ZC3H12B: variants seen among roughly 807,000 people sequenced by gnomAD.
ZC3H12B encodes the protein zinc finger CCCH-type containing 12B.
Under a neutral mutation model 43.9 loss-of-function variants are expected in ZC3H12B, and 7 were observed. The observed-to-expected ratio is 0.16, with a 90% CI of 0.09 to 0.30. The LOEUF is 0.30. Ranked by LOEUF, ZC3H12B falls within the 10% of genes least tolerant of loss-of-function variation. ZC3H12B has a pLI of 1.00. For synonymous variants in ZC3H12B, 222 were observed against 241.7 expected (o/e 0.92, Z 0.76); for missense variants, 475 against 670.2 (o/e 0.71, Z 3.22).
rs1371403014 is a variant in ZC3H12B at position 65,408,052 on chromosome X, G to T, written n.407+9348G>T. The T allele has an allele frequency of 6.0e-6, 7 of 1,163,160 alleles. No individual in the cohort carries two copies. The Admixed American group carries it at 1.3e-4, about 21-fold the overall frequency. On this transcript the variant is annotated intron_variant and non_coding_transcript_variant, in intron 3 of 5. Coordinates refer to the ZC3H12B transcript ENST00000617377. ...AAATTGACCGGAGAATTGAGTTGCC[G>T]GGGAACAGAGCCCCGGCCGCCGCCA...
the ZC3H12B span, among the ~76,000 whole-genome samples, chrX:65,171,541 C>T: frequency 1.1e-4 from 12 of 111,196 alleles, no homozygotes; most frequent in African/African-American, 3.9e-4. Flanking sequence ...AAATTCCTTG[C>T]TGTGAGAAGC....
At chrX:65,035,000 G>A in the ZC3H12B span, among the ~76,000 whole-genome samples, 1 of 112,648 alleles carries the variant, frequency 8.9e-6, no homozygotes, top group Non-Finnish European at 1.9e-5. Context: ...AGTACCCCAG[G>A]AGGGTCCGGG....
At chrX:65,203,502 C>T in the ZC3H12B span, among the ~76,000 whole-genome samples, 2 of 110,231 alleles carry the variant, frequency 1.8e-5, no homozygotes, top group Non-Finnish European at 3.8e-5. Context: ...CTTTCTGGCC[C>T]AGAGTGGGTC....
chrX:65,089,427 A>G, the ZC3H12B span, among the ~76,000 whole-genome samples: 2 of 112,027 alleles, frequency 1.8e-5, no homozygotes, highest in Non-Finnish European at 3.8e-5. Context: ...GTACTTCTGT[A>G]TAGGATACCT....
chrX:65,373,343 G>C lies in ZC3H12B; in HGVS notation n.295+4345G>C, dbSNP rs184356454. Among the ~76,000 whole-genome samples the C allele has an allele frequency of 5.4e-5, 6 of 111,647 alleles. No individual in the cohort carries two copies. In the East Asian group the frequency reaches 1.7e-3, roughly 32 times the overall value. Reference sequence around the variant, plus strand: ...TGGAAGACAGTGTGGTGATTCCTCAGGGACCTAGAACTAGAAATACCATTT... The same window carrying C: ...TGGAAGACAGTGTGGTGATTCCTCACGGACCTAGAACTAGAAATACCATTT... On this transcript the variant is annotated intron_variant and non_coding_transcript_variant, in intron 2 of 5. Coordinates refer to the ZC3H12B transcript ENST00000617377.
At position 65,483,492 on chromosome X, in the gene ZC3H12B, C is replaced by G. The variant is rs781115570; in HGVS notation, n.408-5154C>G. 7.2e-5 allele frequency among the ~76,000 whole-genome samples: 8 copies of G among 111,467 alleles called. No individual in the cohort carries two copies. The East Asian group carries it at 1.4e-3, about 20-fold the overall frequency. ...TTTGCCTCCAAAGTATCTGAGAAAG[C>G]CTTTACTTTATAGTTCTTTCTGGGG... On this transcript the variant is annotated intron_variant and non_coding_transcript_variant, in intron 3 of 5. Coordinates refer to the ZC3H12B transcript ENST00000617377.
the ZC3H12B span, among the ~76,000 whole-genome samples, chrX:65,268,262 G>A: frequency 2.7e-5 from 3 of 111,979 alleles, no homozygotes; most frequent in African/African-American, 9.7e-5. Context: ...GACTGAAGAA[G>A]TAATTTTAAA....
At chrX:65,262,963 A>T in the ZC3H12B span, among the ~76,000 whole-genome samples, 4 of 110,543 alleles carry the variant, frequency 3.6e-5, no homozygotes, top group African/African-American at 1.3e-4. Context: ...TTTGTAAAAT[A>T]TTACATAGTG....
the ZC3H12B span, among the ~76,000 whole-genome samples, chrX:65,229,067 C>T: frequency 9.0e-6 from 1 of 110,509 alleles, no homozygotes. Flanking sequence ...AAAGAGCCCA[C>T]ATCGCCAAGT....
chrX:65,459,214 A>G (rs2067689330), intron 3 of ZC3H12B, among the ~76,000 whole-genome samples: 1 of 112,130 alleles, frequency 8.9e-6, no homozygotes, highest in South Asian at 3.7e-4. Context: ...GGCAATAATT[A>G]ATAGCTTACC....
chrX:65,462,806 C>T (rs769064946), intron 3 of ZC3H12B, among the ~76,000 whole-genome samples: 3 of 112,185 alleles, frequency 2.7e-5, no homozygotes, highest in Non-Finnish European at 5.6e-5. Context: ...ACCAAAAAGA[C>T]ACGTGCACTC....
intron 1 of ZC3H12B, among the ~76,000 whole-genome samples, chrX:65,493,758 C>T: frequency 8.9e-6 from 1 of 111,782 alleles, no homozygotes; most frequent in Non-Finnish European, 1.9e-5. Context: ...CACCAAGATA[C>T]TCCGTGACTT....
intron 3 of ZC3H12B, among the ~76,000 whole-genome samples, chrX:65,409,295 T>A (rs897158127): frequency 1.8e-5 from 2 of 108,777 alleles, no homozygotes; most frequent in African/African-American, 6.7e-5. Flanking sequence ...GAAAAAAAAA[T>A]AAAAAAAATA....
the ZC3H12B span, among the ~76,000 whole-genome samples, chrX:65,351,414 C>T: frequency 8.9e-6 from 1 of 112,025 alleles, no homozygotes; most frequent in African/African-American, 3.2e-5. Flanking sequence ...TGGGCAAAGA[C>T]TTCATGTCTA....
chrX:65,189,336 G>A, the ZC3H12B span, among the ~76,000 whole-genome samples: 1 of 81,122 alleles, frequency 1.2e-5, no homozygotes, highest in Admixed American at 1.3e-4. Context: ...TGGGTCAAAT[G>A]GTATTTCTAG....
intron 3 of ZC3H12B, among the ~76,000 whole-genome samples, chrX:65,467,045 C>T (rs2067834235): frequency 1.0e-5 from 1 of 96,112 alleles, no homozygotes. Flanking sequence ...TTTTAGTGCA[C>T]CCATCACTAG....
chrX:65,178,233 C>T, the ZC3H12B span, among the ~76,000 whole-genome samples: 2 of 112,110 alleles, frequency 1.8e-5, no homozygotes, highest in Non-Finnish European at 3.8e-5. Flanking sequence ...AAACTGGATG[C>T]CTTCCTTATA....
the ZC3H12B span, among the ~76,000 whole-genome samples, chrX:65,145,711 G>A: frequency 9.0e-6 from 1 of 110,922 alleles, no homozygotes; most frequent in African/African-American, 3.3e-5. Context: ...TTGTTTGTCT[G>A]AAGAAGAATG....
chrX:65,324,327 G>C, the ZC3H12B span, among the ~76,000 whole-genome samples: 1 of 111,347 alleles, frequency 9.0e-6, no homozygotes, highest in South Asian at 3.8e-4. Flanking sequence ...TATGGTTTCA[G>C]GTTTTGCATT....
Sources: allele counts gnomAD v4.1 joint callset (sites outside exome capture counted in the v4.1 genomes callset), GRCh38; gene constraint gnomAD v4.1.1; transcripts MANE v1.5; gene names NCBI Gene and HGNC (gene_info 2026-07-23, HGNC 2026-07-21).